The following BICRAL variants were observed in gnomAD, a reference collection of about 807,000 sequenced individuals.
BICRAL encodes the protein BRD4-interacting chromatin-remodeling complex-associated protein-like.
Under a neutral mutation model 91.8 loss-of-function variants are expected in BICRAL, and 8 were observed. The ratio of observed to expected loss-of-function variants is 0.09; its 90% confidence interval spans 0.05 to 0.16. The LOEUF is 0.16. Among genes scored for constraint, BICRAL ranks in the 10% least tolerant of loss-of-function variants. The pLI is 1.00. For missense variants in BICRAL, 1,038 were observed against 1,310.9 expected (o/e 0.79, Z 3.21); for synonymous variants, 445 against 491.1 (o/e 0.91, Z 1.24).
chr6:42,804,716 C>G (rs1320120532), intron 1 of BICRAL, among the ~76,000 whole-genome samples: 3 of 152,150 alleles, frequency 2.0e-5, no homozygotes, highest in Admixed American at 1.3e-4. Context: ...ATGAGGCTAG[C>G]TAGTGCCTAT....
At chr6:42,822,894 A>G in intron 4 of BICRAL, 41 bp from the exon 5 acceptor site, 1 of 1,518,036 alleles carries the variant, frequency 6.6e-7, no homozygotes, top group Non-Finnish European at 9.2e-7. Flanking sequence ...TCTGCTTTAC[A>G]GTTAAAGTAG....
Position 42,771,509 on chromosome 6 carries a change from G to GA in BICRAL, c.-260-10330_-260-10329insA, listed in dbSNP as rs577003249. On this transcript the variant is annotated intron_variant, in intron 1 of 14. Transcript: ENST00000614467. The stretch of plus-strand genomic sequence containing the variant: ...GGGGGTGGCGGGGGGTGGTGGGGGG[G>GA]TCCTGTCTGAAGTGGTAGGGAAGGA... Among the ~76,000 whole-genome samples the GA allele has an allele frequency of 7.1e-3, 997 of 140,904 alleles. 7 individuals carry two copies. The highest frequency in any genetic ancestry group is 0.024 in the African/African-American group (938 of 39,098). The allele number at this position is 140,904 out of a possible 152,430, so 92.4% of individuals were successfully genotyped here.
intron 1 of BICRAL, among the ~76,000 whole-genome samples, chr6:42,769,233 G>A (rs1240279368): frequency 3.3e-5 from 5 of 152,216 alleles, no homozygotes; most frequent in Admixed American, 6.5e-5. Context: ...AAGCTCACCC[G>A]TGAGGCGGTC....
rs1361592217 is a variant in BICRAL at position 42,857,633 on chromosome 6, ATATT to A, written c.2254+399_2254+402del. ...AAAAAAAATATATATATATATATAT[ATATT>A]TTTTAGGAGGGTACCCTAATGTCAG... On this transcript the variant is annotated intron_variant, in intron 10 of 12. Transcript: ENST00000314073. Among the ~76,000 whole-genome samples, 323 of 133,632 alleles carry A rather than the reference ATATT, an allele frequency of 2.4e-3. 23 individuals carry two copies. Among genetic ancestry groups the A allele is most frequent in the East Asian group, 8.2e-3 (41 of 4,992 alleles). The allele number at this position is 133,632 out of a possible 152,430, so 87.7% of individuals were successfully genotyped here.
chr6:42,802,190 T>C (rs1293612412), intron 1 of BICRAL, among the ~76,000 whole-genome samples: 2 of 151,102 alleles, frequency 1.3e-5, no homozygotes, highest in East Asian at 3.9e-4. Flanking sequence ...GAGAATCACT[T>C]TGAGCCATGT....
rs1246937245 is a variant in BICRAL at position 42,860,184 on chromosome 6, A to C, written c.2255-78A>C. 4.9e-6 allele frequency: 4 copies of C among 822,568 alleles called. No individual in the cohort carries two copies. In the African/African-American group the frequency reaches 6.8e-5, roughly 14 times the overall value. The allele number at this position is 822,568 out of a possible 1,614,324, so 51.0% of individuals were successfully genotyped here. The stretch of plus-strand genomic sequence containing the variant: ...TGTTTGAATAACAGAAGAGTAATGT[A>C]TTTCAGTCTTAAGAAACAGAAGACC... On this transcript the variant is annotated intron_variant, in intron 10 of 12. Coordinates refer to ENST00000314073, the MANE Select transcript of BICRAL (RefSeq NM_001393499.1).
At chr6:42,748,259 G>A (rs1762320196) in intron 1 of BICRAL, among the ~76,000 whole-genome samples, 6 of 152,098 alleles carry the variant, frequency 3.9e-5, no homozygotes, top group Admixed American at 3.9e-4. Flanking sequence ...AAGCAAAGAA[G>A]CTTTAGAGAA....
At chr6:42,857,614 A>AAAAAAATATATAT in intron 10 of BICRAL, among the ~76,000 whole-genome samples, 4 of 96,224 alleles carry the variant, frequency 4.2e-5, no homozygotes, top group African/African-American at 2.0e-4. Flanking sequence ...AAAAAAAAAA[A>AAAAAAATATATAT]ATATATATAT....
At chr6:42,857,826 T>C (rs1251821582) in intron 10 of BICRAL, among the ~76,000 whole-genome samples, 3 of 139,814 alleles carry the variant, frequency 2.1e-5, no homozygotes, top group Non-Finnish European at 4.6e-5. Flanking sequence ...TTTTTTTTTT[T>C]TGAGATGGAG....
At chr6:42,857,614 A>AAAAAAAAAAAAAAAAATATATAT in intron 10 of BICRAL, among the ~76,000 whole-genome samples, 3 of 96,242 alleles carry the variant, frequency 3.1e-5, no homozygotes, top group African/African-American at 2.0e-4. Flanking sequence ...AAAAAAAAAA[A>AAAAAAAAAAAAAAAAATATATAT]ATATATATAT....
At chr6:42,860,641 T>C (rs1282783312) in intron 11 of BICRAL, among the ~76,000 whole-genome samples, 2 of 152,200 alleles carry the variant, frequency 1.3e-5, no homozygotes, top group African/African-American at 2.4e-5. Context: ...GCAGAGTAAT[T>C]AGCAGAGCTC....
intron 7 of BICRAL, among the ~76,000 whole-genome samples, chr6:42,853,023 C>A (rs1334769281): frequency 6.7e-6 from 1 of 149,886 alleles, no homozygotes; most frequent in Non-Finnish European, 1.5e-5. Flanking sequence ...TATGATTGCG[C>A]CACTGCACTC....
At chr6:42,840,231 GTTTGTTTGTTT>G (rs1764744682) in intron 6 of BICRAL, among the ~76,000 whole-genome samples, 1 of 86,140 alleles carries the variant, frequency 1.2e-5, no homozygotes, top group Non-Finnish European at 2.8e-5. Context: ...TTGTTTGTTT[GTTTGTTTGTTT>G]GTTTGTTTGT....
chr6:42,772,647 G>C (rs949047051), intron 1 of BICRAL, among the ~76,000 whole-genome samples: 6 of 152,148 alleles, frequency 3.9e-5, no homozygotes, highest in Admixed American at 2.0e-4. Context: ...ATCTGTACTT[G>C]CAATAAACAT....
At position 42,865,683 on chromosome 6, in the gene BICRAL, G is replaced by A. The variant is rs1765693220; in HGVS notation, c.*237G>A. 2.0e-6 allele frequency: 1 copy of A among 501,984 alleles called. No homozygotes were observed. The highest frequency in any genetic ancestry group is 3.7e-5 in the Admixed American group (1 of 27,134). The allele number at this position is 501,984 out of a possible 1,614,324, so 31.1% of individuals were successfully genotyped here. A position where few individuals can be genotyped will look rare whatever the true frequency, so the allele number is the denominator to read the frequency against. On this transcript the variant is annotated 3_prime_UTR_variant, in exon 13 of 13. Transcript: ENST00000314073. Reference sequence around the variant, plus strand: ...ATTAATCCTTGGCAGAAAGCAGTCTGATAGGCCCCACTCATTTCAAGTGTT... The same window carrying A: ...ATTAATCCTTGGCAGAAAGCAGTCTAATAGGCCCCACTCATTTCAAGTGTT...
At chr6:42,853,774 C>A (rs753874457) in intron 8 of BICRAL, 36 bp downstream of exon 8, 9 of 1,385,494 alleles carry the variant, frequency 6.5e-6, no homozygotes, top group Non-Finnish European at 9.3e-6. Flanking sequence ...TCCTAATGTT[C>A]GGCATAATTG....
At chr6:42,842,025 G>A (rs541445505) in intron 6 of BICRAL, among the ~76,000 whole-genome samples, 1 of 152,276 alleles carries the variant, frequency 6.6e-6, no homozygotes, top group Admixed American at 6.5e-5. Context: ...CTCTGCCAGC[G>A]AGTGGTTTCT....
intron 9 of BICRAL, among the ~76,000 whole-genome samples, chr6:42,856,614 T>C (rs1765365789): frequency 6.6e-6 from 1 of 152,054 alleles, no homozygotes; most frequent in Admixed American, 6.6e-5. Context: ...CCTCAGGTGA[T>C]CCACCCACCT....
intron 1 of BICRAL, among the ~76,000 whole-genome samples, chr6:42,809,062 T>C (rs1016071604): frequency 8.6e-5 from 13 of 151,988 alleles, no homozygotes; most frequent in African/African-American, 3.1e-4. Context: ...TTTTTTGTTG[T>C]TTTTTTAATA....
Sources: gnomAD v4.1 joint callset for allele counts (sites outside exome capture counted in the v4.1 genomes callset) on GRCh38, gnomAD v4.1.1 for gene constraint, MANE v1.5 for transcripts, NCBI Gene and HGNC (gene_info 2026-07-23, HGNC 2026-07-21) for gene names.